The following POM121C variants were observed in gnomAD, a reference collection of about 807,000 sequenced individuals.
The protein encoded by POM121C is nuclear envelope pore membrane protein POM 121C.
In POM121C, 20 loss-of-function variants were observed where a neutral mutation model predicts 66.4. The observed-to-expected ratio is 0.30, with a 90% CI of 0.21 to 0.44. The LOEUF (loss-of-function observed/expected upper bound fraction) is 0.44, where lower values mean the gene tolerates loss of function less well. POM121C is among the 20% of genes least tolerant of loss of function. POM121C has a pLI of 1.00. For synonymous variants in POM121C, 286 were observed against 528.0 expected (o/e 0.54, Z 6.28); for missense variants, 580 against 1,225.7 (o/e 0.47, Z 7.87).
In POM121C at chr7:75,419,388, G is replaced by A. The variant is rs587604076; in HGVS notation, c.2798C>T (p.Ser933Leu). 2.7e-5 allele frequency: 44 copies of A among 1,613,830 alleles called. No individual in the cohort carries two copies. The highest frequency in any genetic ancestry group is 8.8e-5 in the South Asian group (8 of 91,054). ...TGCCCCAAAGGAGAGGCTGCTGCCCGATGTGCCCACTCCAGGCGCAGGGGT... is the reference window on the plus strand; with the variant it reads ...TGCCCCAAAGGAGAGGCTGCTGCCCAATGTGCCCACTCCAGGCGCAGGGGT... Reference protein sequence around the residue: ...QNTPAPGVGTSGSSLSFGASS... With the variant: ...QNTPAPGVGTLGSSLSFGASS... Residue 933 changes from serine to leucine, a missense_variant, in exon 14 of 15, where the codon TCG becomes TTG. Physicochemically the swap from Ser to Leu is moderately radical, Grantham distance 145. Transcript: ENST00000615331.
intron 3 of POM121C, among the ~76,000 whole-genome samples, chr7:75,456,451 T>C (rs1293739981): frequency 1.3e-5 from 2 of 152,332 alleles, no homozygotes; most frequent in Non-Finnish European, 2.9e-5. Context: ...CCAATAGTCC[T>C]ACTCCATGTC....
chr7:75,417,623 T>C lies in POM121C; in HGVS notation c.*1173A>G, dbSNP rs1160050731. The C allele has an allele frequency of 1.1e-5, 11 of 984,276 alleles. No individual in the cohort carries two copies. Among genetic ancestry groups the C allele is most frequent in the Non-Finnish European group, 1.2e-5 (10 of 828,520 alleles). 61.0% of individuals were successfully genotyped at this position (984,276 alleles called of 1,614,324 possible). A position where few individuals can be genotyped will look rare whatever the true frequency, so the allele number is the denominator to read the frequency against. On this transcript the variant is annotated 3_prime_UTR_variant, in exon 15 of 15. Coordinates refer to ENST00000615331, the MANE Select transcript of POM121C (RefSeq NM_001099415.3). ...GGATTTTAAAAATATGGTTCATTAA[T>C]TTAGGTTTTCTAACATCTACTTTGG...
chr7:75,480,921 C>G (rs1215195834), intron 1 of POM121C, among the ~76,000 whole-genome samples: 3 of 151,644 alleles, frequency 2.0e-5, no homozygotes, highest in African/African-American at 7.3e-5. Context: ...AATTCAATTA[C>G]TGTGCTATGG....
chr7:75,439,332 T>C, intron 5 of POM121C, 108 bp from the exon 6 acceptor site: 2 of 1,460,126 alleles, frequency 1.4e-6, no homozygotes, highest in South Asian at 1.2e-5. Context: ...GGAGCACAGA[T>C]TCCATGCTAG....
chr7:75,459,648 A>AT (rs1199940457), intron 3 of POM121C, among the ~76,000 whole-genome samples: 5 of 146,596 alleles, frequency 3.4e-5, no homozygotes, highest in Admixed American at 2.8e-4. Flanking sequence ...ATCCAGAGAG[A>AT]TTTTTTTTCA....
intron 3 of POM121C, among the ~76,000 whole-genome samples, chr7:75,452,009 T>C (rs1791039074): frequency 6.7e-6 from 1 of 148,714 alleles, no homozygotes; most frequent in Admixed American, 6.7e-5. Context: ...ACTAAAAATA[T>C]AAAAATTAGC....
rs587771120 is a variant in POM121C, at chr7:75,417,156, A to G, written c.*1640T>C. ...TCCTCAGCTGCACACGCAGCCAGGT[A>G]TAACACTCGCCCTCAGTCACAACGG... On this transcript the variant is annotated 3_prime_UTR_variant, in exon 15 of 15. Transcript: ENST00000615331. 4.8e-4 allele frequency: 475 copies of G among 996,462 alleles called. No homozygotes were observed. Among genetic ancestry groups the G allele is most frequent in the Non-Finnish European group, 5.3e-4 (441 of 833,084 alleles). The allele number at this position is 996,462 out of a possible 1,614,324, so 61.7% of individuals were successfully genotyped here.
At chr7:75,471,948 T>C (rs1791895867) in intron 3 of POM121C, among the ~76,000 whole-genome samples, 1 of 151,996 alleles carries the variant, frequency 6.6e-6, no homozygotes, top group Non-Finnish European at 1.5e-5. Context: ...TGCAGCGGTG[T>C]GATCTCCGCT....
rs1195079063 is a variant in POM121C, at chr7:75,437,671, C to T, written c.324G>A (p.Lys108=). 6.2e-6 allele frequency: 10 copies of T among 1,608,698 alleles called. No homozygotes were observed. The highest frequency in any genetic ancestry group is 8.5e-6 in the Non-Finnish European group (10 of 1,176,472). The change falls in exon 7 of 15, where the codon AAG becomes AAA. Residue 108 remains lysine (K), a synonymous_variant. Transcript: ENST00000615331. The part of the protein sequence containing the change: ...ASFVPKPGSL[K]RGLNSQSSDD... ...CTGAGCTCTGAGAATTGAGGCCTCT[C>T]TTCAGAGACCCAGGCCTAATAAAAG...
At chr7:75,435,633 T>C (rs1410102797) in intron 7 of POM121C, among the ~76,000 whole-genome samples, 9 of 152,240 alleles carry the variant, frequency 5.9e-5, no homozygotes, top group Non-Finnish European at 1.3e-4. Flanking sequence ...TAAAACATGA[T>C]ATATTGATTA....
intron 3 of POM121C, among the ~76,000 whole-genome samples, chr7:75,471,769 G>C (rs782769219): frequency 6.6e-6 from 1 of 152,288 alleles, no homozygotes; most frequent in Admixed American, 6.5e-5. Context: ...ACTACGCGCT[G>C]TCACGTGCTT....
At position 75,424,605 on chromosome 7, in the gene POM121C, A is replaced by G; in HGVS notation, c.792T>C (p.Tyr264=). 1 of 1,613,968 alleles carries G rather than the reference A, an allele frequency of 6.2e-7. No homozygotes were observed. Among genetic ancestry groups the G allele is most frequent in the Non-Finnish European group, 8.5e-7 (1 of 1,179,870 alleles). Residue 264 remains tyrosine (Y), a synonymous_variant, in exon 11 of 15, where the codon TAT becomes TAC. Coordinates refer to ENST00000615331, the MANE Select transcript of POM121C (RefSeq NM_001099415.3). ...LTLPPPPQLG[Y]SITAEDLDLE... ...AGTCTAGGTCCTCGGCAGTGATCGA[A>G]TAGCCAAGCTGGGGAGGTGGAGGCT... is the stretch of plus-strand genomic sequence containing the variant.
chr7:75,428,646 G>C (rs1432166375), intron 7 of POM121C, among the ~76,000 whole-genome samples: 1 of 152,120 alleles, frequency 6.6e-6, no homozygotes, highest in Non-Finnish European at 1.5e-5. Flanking sequence ...ATGTGCTCCA[G>C]ACACTGAGGG....
At chr7:75,479,647 AT>A (rs1554479842) in intron 1 of POM121C, among the ~76,000 whole-genome samples, 7 of 148,856 alleles carry the variant, frequency 4.7e-5, no homozygotes, top group South Asian at 2.1e-4. Flanking sequence ...AAATAAATAA[AT>A]AAATACAGTT....
At chr7:75,436,236 C>G (rs587619717) in intron 7 of POM121C, among the ~76,000 whole-genome samples, 1 of 152,144 alleles carries the variant, frequency 6.6e-6, no homozygotes, top group Non-Finnish European at 1.5e-5. Context: ...TCTATCTTAT[C>G]TCTCCTAAAA....
chr7:75,463,607 A>G (rs587687878), intron 3 of POM121C, among the ~76,000 whole-genome samples: 66 of 151,960 alleles, frequency 4.3e-4, no homozygotes, highest in African/African-American at 1.6e-3. Flanking sequence ...CACTGAACAA[A>G]CAGCTACAGC....
chr7:75,443,333 A>G (rs1229066227), intron 3 of POM121C, among the ~76,000 whole-genome samples: 1 of 151,590 alleles, frequency 6.6e-6, no homozygotes, highest in African/African-American at 2.4e-5. Flanking sequence ...GCTTATGGGT[A>G]TAGGCTTTCT....
chr7:75,419,132 C>G (rs1224501087), intron 14 of POM121C, among the ~76,000 whole-genome samples, 188 bp downstream of exon 14: 1 of 152,182 alleles, frequency 6.6e-6, no homozygotes, highest in East Asian at 1.9e-4. Context: ...AAACTTCCAC[C>G]CCGGACAGCT....
At chr7:75,433,174 G>A (rs1554472570) in intron 7 of POM121C, among the ~76,000 whole-genome samples, 1 of 130,112 alleles carries the variant, frequency 7.7e-6, no homozygotes, top group African/African-American at 2.8e-5. Context: ...GGCGGAGATT[G>A]CAGTGAGCTG....
Sources: allele counts gnomAD v4.1 joint callset (sites outside exome capture counted in the v4.1 genomes callset), GRCh38; gene constraint gnomAD v4.1.1; transcripts MANE v1.5; gene names NCBI Gene and HGNC (gene_info 2026-07-23, HGNC 2026-07-21).